The following DNAH11 variants were observed in gnomAD, a reference collection of about 807,000 sequenced individuals.
DNAH11 encodes axonemal beta dynein heavy chain 11.
A neutral mutation model predicts 526.0 loss-of-function variants in DNAH11; 442 were observed. The observed-to-expected ratio is 0.84, with a 90% CI of 0.78 to 0.91. The LOEUF (loss-of-function observed/expected upper bound fraction) is 0.91, where lower values mean the gene tolerates loss of function less well. Among genes scored for constraint, DNAH11 ranks in the 40% least tolerant of loss-of-function variants. The pLI, the probability that DNAH11 is intolerant of heterozygous loss-of-function variation, is 0.00. For missense variants in DNAH11, 6,989 were observed against 5,448.7 expected, an observed-to-expected ratio of 1.28 and a Z score of -8.90; for synonymous variants, 2,461 against 1,935.9, an observed-to-expected ratio of 1.27 and a Z score of -7.12.
At chr7:21,720,935 C>G in intron 44 of DNAH11, 79 bp downstream of exon 44, 2 of 1,528,006 alleles carry the variant, frequency 1.3e-6, no homozygotes, top group Non-Finnish European at 1.8e-6. Context: ...AACATGTGAT[C>G]TGTACCTTTT....
intron 61 of DNAH11, among the ~76,000 whole-genome samples, chr7:21,792,729 C>G (rs1040690410): frequency 1.3e-5 from 2 of 152,090 alleles, no homozygotes; most frequent in African/African-American, 2.4e-5. Flanking sequence ...TCTGTGGTAT[C>G]CGTTGTTATA....
intron 69 of DNAH11, among the ~76,000 whole-genome samples, chr7:21,863,991 T>A (rs1030157284): frequency 2.6e-5 from 4 of 152,220 alleles, no homozygotes; most frequent in Admixed American, 6.5e-5. Flanking sequence ...TTTTTATCAG[T>A]TCTGTGACCA....
intron 2 of DNAH11, among the ~76,000 whole-genome samples, chr7:21,549,036 C>T (rs1782915988): frequency 6.6e-6 from 1 of 152,088 alleles, no homozygotes; most frequent in African/African-American, 2.4e-5. Context: ...CACCACTGTG[C>T]CTGTCTAATT....
In DNAH11 at chr7:21,639,041, C is replaced by G. The variant is rs746563330; in HGVS notation, c.4920C>G (p.Leu1640=). ...FVSSADLLDI[L]SKGAQPKQVT... is the part of the protein sequence containing the mutation. ...CTTCTGCTGATTTACTTGACATTCTCTCAAAAGGAGCTCAGCCTAAACAGG... is the reference window on the plus strand; with the variant it reads ...CTTCTGCTGATTTACTTGACATTCTGTCAAAAGGAGCTCAGCCTAAACAGG... Residue 1640 remains leucine, a synonymous_variant, in exon 28 of 82, where the codon CTC becomes CTG. Transcript: ENST00000409508. 6.2e-7 allele frequency: 1 copy of G among 1,613,360 alleles called. No homozygotes were observed. Among genetic ancestry groups the G allele is most frequent in the African/African-American group, 1.3e-5 (1 of 74,898 alleles).
chr7:21,789,370 G>C lies in DNAH11; in HGVS notation c.10026+28G>C. 2.0e-6 allele frequency: 3 copies of C among 1,510,792 alleles called. No individual in the cohort carries two copies. The South Asian group carries it at 3.7e-5, about 19-fold the overall frequency. 93.6% of individuals were successfully genotyped at this position (1,510,792 alleles called of 1,614,324 possible). ...GAGTGCAAACTATGACATTGAAAAG[G>C]TTCCCAAGAGGTGGTCGCTGCCTCC... is the stretch of plus-strand genomic sequence containing the variant. On this transcript the variant is annotated intron_variant, in intron 61 of 81. Transcript: ENST00000409508.
chr7:21,591,981 C>T (rs1241636126), intron 14 of DNAH11, among the ~76,000 whole-genome samples: 5 of 152,178 alleles, frequency 3.3e-5, no homozygotes, highest in African/African-American at 7.2e-5. Flanking sequence ...ACAATAATTA[C>T]TCTCCTTTTA....
At chr7:21,610,935 G>C (rs1037153005) in intron 20 of DNAH11, among the ~76,000 whole-genome samples, 2 of 152,220 alleles carry the variant, frequency 1.3e-5, no homozygotes, top group African/African-American at 2.4e-5. Context: ...AATATAGTCT[G>C]CAAGATAATA....
chr7:21,644,515 C>A (rs568047024), intron 28 of DNAH11, among the ~76,000 whole-genome samples: 1 of 152,032 alleles, frequency 6.6e-6, no homozygotes, highest in Non-Finnish European at 1.5e-5. Flanking sequence ...TCTAACTTTC[C>A]TAAAGGAAGT....
chr7:21,762,078 A>G (rs1786944774), intron 54 of DNAH11, among the ~76,000 whole-genome samples: 1 of 151,860 alleles, frequency 6.6e-6, no homozygotes, highest in Admixed American at 6.6e-5. Context: ...TCTCATGAGA[A>G]CTCCCTATCA....
At chr7:21,825,938 G>A (rs553656267) in intron 65 of DNAH11, among the ~76,000 whole-genome samples, 7 of 148,876 alleles carry the variant, frequency 4.7e-5, no homozygotes, top group African/African-American at 1.5e-4. Flanking sequence ...CAGCCTGGGC[G>A]AAGGAGTGAG....
chr7:21,589,565 T>G (rs1225596934), intron 12 of DNAH11, among the ~76,000 whole-genome samples, 162 bp downstream of exon 12: 1 of 152,198 alleles, frequency 6.6e-6, no homozygotes, highest in African/African-American at 2.4e-5. Flanking sequence ...AGAGATTTGT[T>G]TCTCAAATTC....
intron 28 of DNAH11, among the ~76,000 whole-genome samples, chr7:21,641,820 G>A (rs17144860): frequency 0.081 from 12,252 of 152,086 alleles, 900 homozygotes; most frequent in Admixed American, 0.23. Flanking sequence ...TTTTAACTAC[G>A]CGTTCTAAAT....
intron 28 of DNAH11, among the ~76,000 whole-genome samples, chr7:21,640,711 C>T (rs556471460): frequency 9.2e-5 from 14 of 152,116 alleles, no homozygotes; most frequent in African/African-American, 2.9e-4. Flanking sequence ...TCTCCTGGTC[C>T]CCCTTTCTTA....
intron 38 of DNAH11, 140 bp from the exon 39 acceptor site, chr7:21,705,320 A>G (rs781574686): frequency 1.1e-5 from 8 of 747,810 alleles, no homozygotes; most frequent in African/African-American, 5.3e-5. Flanking sequence ...CTTATGGTCT[A>G]TTTTAACTTT....
In DNAH11 at chr7:21,687,446, A is replaced by G. The variant is rs754385182; in HGVS notation, c.5843A>G (p.Asn1948Ser). ...TGAWGCFDEFNRISVEVLSVV... is the reference protein window; with the variant it reads ...TGAWGCFDEFSRISVEVLSVV... ...GCTTGGGGCTGCTTTGATGAGTTCA[A>G]CCGAATCTCTGTGGAAGTTCTGTCA... The change falls in exon 34 of 82, where the codon AAC (asparagine) becomes AGC (serine). Residue 1948 changes from asparagine (N) to serine (S), a missense_variant. By Grantham distance (46) the Asn-to-Ser change is conservative. Transcript: ENST00000409508. The G allele has an allele frequency of 7.4e-6, 12 of 1,613,888 alleles. No homozygotes were observed. The highest frequency in any genetic ancestry group is 6.7e-5 in the African/African-American group (5 of 74,916).
At chr7:21,596,458 T>C (rs1398118818) in intron 14 of DNAH11, among the ~76,000 whole-genome samples, 1 of 152,220 alleles carries the variant, frequency 6.6e-6, no homozygotes, top group Non-Finnish European at 1.5e-5. Context: ...CTATTTCTAG[T>C]TGTTCAATAA....
At chr7:21,736,685 G>A (rs1445002201) in intron 46 of DNAH11, among the ~76,000 whole-genome samples, 1 of 151,994 alleles carries the variant, frequency 6.6e-6, no homozygotes, top group South Asian at 2.1e-4. Context: ...TTTATGAATG[G>A]AACCCTTAGA....
At chr7:21,684,151 G>GCA (rs1783269183) in intron 32 of DNAH11, among the ~76,000 whole-genome samples, 1 of 152,164 alleles carries the variant, frequency 6.6e-6, no homozygotes, top group Non-Finnish European at 1.5e-5. Flanking sequence ...GCTCAAGGAA[G>GCA]CATTGTTGAT....
intron 65 of DNAH11, among the ~76,000 whole-genome samples, chr7:21,824,424 A>AATATTTTTAATAACATACATAAAAT (rs1790187257): frequency 6.6e-6 from 1 of 152,118 alleles, no homozygotes; most frequent in Non-Finnish European, 1.5e-5. Flanking sequence ...TTATTTACTT[A>AATATTTTTAATAACATACATAAAAT]ATATTTTTAA....
Sources: allele counts gnomAD v4.1 joint callset (sites outside exome capture counted in the v4.1 genomes callset), GRCh38; gene constraint gnomAD v4.1.1; transcripts MANE v1.5; gene names NCBI Gene and HGNC (gene_info 2026-07-23, HGNC 2026-07-21).